STK3: variants seen among roughly 807,000 people sequenced by gnomAD.
The protein encoded by STK3 is serine/threonine-protein kinase 3.
Under a neutral mutation model 58.0 loss-of-function variants are expected in STK3, and 41 were observed. The observed-to-expected ratio is 0.71, with a 90% CI of 0.55 to 0.92. The LOEUF (loss-of-function observed/expected upper bound fraction) is 0.92. STK3 is among the 40% of genes least tolerant of loss of function. The probability of loss-of-function intolerance (pLI) is 0.00; values close to 1 mark genes in which losing one functional copy is unlikely to be tolerated. For synonymous variants in STK3, 170 were observed against 191.0 expected, an observed-to-expected ratio of 0.89 and a Z score of 0.91; for missense variants, 479 against 602.7, an observed-to-expected ratio of 0.79 and a Z score of 2.15.
At chr8:98,545,040 A>G (rs377645512) in intron 9 of STK3, among the ~76,000 whole-genome samples, 2 of 152,182 alleles carry the variant, frequency 1.3e-5, no homozygotes, top group East Asian at 3.9e-4. Flanking sequence ...TGCTGAAGCT[A>G]CTACTCTCCC....
At chr8:98,873,243 A>T (rs905305449) in intron 3 of STK3, among the ~76,000 whole-genome samples, 6 of 152,178 alleles carry the variant, frequency 3.9e-5, no homozygotes, top group African/African-American at 1.4e-4. Context: ...TTTGCTGAGG[A>T]GTGCTTTACT....
intron 6 of STK3, among the ~76,000 whole-genome samples, chr8:98,693,977 C>A (rs1391286333): frequency 6.6e-6 from 1 of 152,072 alleles, no homozygotes; most frequent in African/African-American, 2.4e-5. Context: ...CATTTTTTGT[C>A]TCTTTTTTTA....
At chr8:98,350,349 T>A in the STK3 span, among the ~76,000 whole-genome samples, 1 of 152,226 alleles carries the variant, frequency 6.6e-6, no homozygotes, top group East Asian at 1.9e-4. Flanking sequence ...TGTATCATTA[T>A]CAGCATTTTG....
chr8:98,588,139 T>C (rs1814839048), intron 7 of STK3, among the ~76,000 whole-genome samples: 1 of 152,168 alleles, frequency 6.6e-6, no homozygotes, highest in African/African-American at 2.4e-5. Flanking sequence ...GATCCTGTCA[T>C]GATGATGTTA....
At chr8:98,647,720 TG>T (rs1820511512) in intron 6 of STK3, among the ~76,000 whole-genome samples, 1 of 152,182 alleles carries the variant, frequency 6.6e-6, no homozygotes, top group Admixed American at 6.5e-5. Context: ...TTTCCAAGGC[TG>T]GTGTTGAATT....
chr8:98,695,079 G>A lies in STK3; in HGVS notation c.684+11388C>T, dbSNP rs201527970. Among the ~76,000 whole-genome samples, 16 of 152,232 alleles carry A rather than the reference G, an allele frequency of 1.1e-4. 1 individual carries two copies. The highest frequency in any genetic ancestry group is 7.2e-4 in the Admixed American group (11 of 15,284). ...GAGATGGTGTCTCATTGTGGTTTTG[G>A]TTTGCATTTCTCTGATGGCCAGTGA... On this transcript the variant is annotated intron_variant, in intron 6 of 10. Coordinates refer to ENST00000419617, the MANE Select transcript of STK3 (RefSeq NM_006281.4).
chr8:98,672,786 T>C (rs1266593797), intron 6 of STK3, among the ~76,000 whole-genome samples: 1 of 152,204 alleles, frequency 6.6e-6, no homozygotes, highest in Non-Finnish European at 1.5e-5. Context: ...ATACAGTTAA[T>C]GACCAGAATT....
At chr8:98,915,443 T>G (rs1270551784) in intron 1 of STK3, among the ~76,000 whole-genome samples, 1 of 36,734 alleles carries the variant, frequency 2.7e-5, no homozygotes. Flanking sequence ...TATATATATA[T>G]ATATATATAT....
At chr8:98,904,913 A>G (rs754989057) in intron 1 of STK3, 3 of 699,462 alleles carry the variant, frequency 4.3e-6, no homozygotes, top group Non-Finnish European at 8.1e-6. Context: ...CTTGAGGCAG[A>G]TGGGACATGG....
At chr8:98,391,078 GT>G (rs1474266343), upstream of STK3, among the ~76,000 whole-genome samples, 1 of 152,112 alleles carries the variant, frequency 6.6e-6, no homozygotes, top group Non-Finnish European at 1.5e-5. Context: ...AGATTTGTCT[GT>G]TTTTTTATGT....
intron 3 of STK3, among the ~76,000 whole-genome samples, chr8:98,874,161 A>C (rs1345028011): frequency 6.6e-6 from 1 of 152,186 alleles, no homozygotes; most frequent in Non-Finnish European, 1.5e-5. Context: ...AAGAATGTTG[A>C]ATATTGGCCC....
rs1832271713 is a variant in STK3 at position 98,783,758 on chromosome 8, G to A, written c.27-8939C>T. Among the ~76,000 whole-genome samples the A allele has an allele frequency of 2.0e-5, 3 of 152,140 alleles. No homozygotes were observed. The South Asian group carries it at 6.2e-4, about 32-fold the overall frequency. On this transcript the variant is annotated intron_variant, in intron 1 of 10. Transcript: ENST00000419617. Reference sequence around the variant, plus strand: ...CCACTGCTTTCTCAATTAAGATTATGGAATATTCTAAATCCTTTTTTATTT... The same window carrying A: ...CCACTGCTTTCTCAATTAAGATTATAGAATATTCTAAATCCTTTTTTATTT...
chr8:98,871,211 T>C (rs1249157557), intron 3 of STK3, among the ~76,000 whole-genome samples: 1 of 152,238 alleles, frequency 6.6e-6, no homozygotes, highest in East Asian at 1.9e-4. Context: ...ATATCTCTGT[T>C]TTGGTACCAG....
chr8:98,644,469 G>T (rs901200722), intron 6 of STK3, among the ~76,000 whole-genome samples: 1 of 152,138 alleles, frequency 6.6e-6, no homozygotes, highest in Admixed American at 6.6e-5. Flanking sequence ...CTTTAGAAAA[G>T]CTTCTGAGAA....
chr8:98,553,353 C>T (rs1389211941), intron 8 of STK3: 1 of 152,080 alleles, frequency 6.6e-6, no homozygotes, highest in Non-Finnish European at 1.5e-5. Context: ...ATTAGACTCT[C>T]AAATCTATAA....
At chr8:98,374,873 G>T (rs1377507718) in intron 2 of STK3, among the ~76,000 whole-genome samples, 3 of 152,170 alleles carry the variant, frequency 2.0e-5, no homozygotes, top group South Asian at 4.1e-4. Flanking sequence ...GCTAGAGAAG[G>T]TTGGTAGGAA....
At chr8:98,452,453 T>C (rs1228340626), downstream of STK3, among the ~76,000 whole-genome samples, 1 of 152,234 alleles carries the variant, frequency 6.6e-6, no homozygotes, top group Non-Finnish European at 1.5e-5. Flanking sequence ...CTAAGTGTAT[T>C]TTAAGTCTGT....
At chr8:98,676,929 T>C (rs1216314592) in intron 6 of STK3, among the ~76,000 whole-genome samples, 1 of 152,220 alleles carries the variant, frequency 6.6e-6, no homozygotes, top group South Asian at 2.1e-4. Context: ...CCACTACAGC[T>C]AACCAGCACC....
At chr8:98,611,273 T>A in intron 6 of STK3, among the ~76,000 whole-genome samples, 1 of 150,522 alleles carries the variant, frequency 6.6e-6, no homozygotes. Flanking sequence ...ATTAAGAAAA[T>A]CAAAATTAAC....
Sources: allele counts gnomAD v4.1 joint callset (sites outside exome capture counted in the v4.1 genomes callset), GRCh38; gene constraint gnomAD v4.1.1; transcripts MANE v1.5; gene names NCBI Gene and HGNC (gene_info 2026-07-23, HGNC 2026-07-21).